Variants in NALCN observed in about 807,000 individuals in gnomAD.
NALCN encodes sodium leak channel, non-selective, also known as sodium leak channel NALCN.
Under a neutral mutation model 225.3 loss-of-function variants are expected in NALCN, and 111 were observed. The ratio of observed to expected loss-of-function variants is 0.49; its 90% CI spans 0.42 to 0.58. The LOEUF (loss-of-function observed/expected upper bound fraction) is 0.58. NALCN is among the 20% of genes least tolerant of loss of function. NALCN has a pLI of 0.00. For missense variants in NALCN, 1,378 were observed against 2,202.4 expected (o/e 0.63, Z 7.49); for synonymous variants, 764 against 769.0 (o/e 0.99, Z 0.11).
chr13:101,144,907 ATTGG>A lies in NALCN; in HGVS notation c.1840-15_1840-12del, dbSNP rs1335615905. On this transcript the variant is annotated splice_polypyrimidine_tract_variant and intron_variant, in intron 15 of 43. Transcript: ENST00000251127. ...TTCACTTTGCTTTAACTAAAGAAAA[ATTGG>A]AAAGAAGAAAAAAAGGGGGAACCTA... 6.3e-7 allele frequency: 1 copy of A among 1,596,810 alleles called. No individual in the cohort carries two copies.
At chr13:101,276,594 C>A (rs1333534934) in intron 10 of NALCN, among the ~76,000 whole-genome samples, 1 of 152,150 alleles carries the variant, frequency 6.6e-6, no homozygotes, top group Admixed American at 6.5e-5. Context: ...GGTTCCTATT[C>A]TAATTATAAT....
At chr13:101,061,608 G>A (rs923808775) in intron 41 of NALCN, among the ~76,000 whole-genome samples, 2 of 152,078 alleles carry the variant, frequency 1.3e-5, no homozygotes, top group Non-Finnish European at 2.9e-5. Context: ...TCCAACTCCT[G>A]GCCTCAAGTG....
chr13:101,400,306 G>C (rs2047430811), intron 1 of NALCN, among the ~76,000 whole-genome samples: 1 of 152,118 alleles, frequency 6.6e-6, no homozygotes, highest in Non-Finnish European at 1.5e-5. Context: ...AAGGGGTTTA[G>C]AGTTGACCAT....
At chr13:101,289,089 G>C (rs1389811812) in intron 9 of NALCN, among the ~76,000 whole-genome samples, 2 of 152,178 alleles carry the variant, frequency 1.3e-5, no homozygotes, top group African/African-American at 4.8e-5. Context: ...CCCTATAGTG[G>C]ATTAACAAAG....
Position 101,055,324 on chromosome 13 carries a change from C to T in NALCN, c.5188G>A (p.Glu1730Lys), listed in dbSNP as rs1566761140. Residue 1730 changes from glutamate to lysine, a missense_variant, in exon 44 of 44, where the codon GAA becomes AAA. By Grantham distance (56) the Glu-to-Lys change is moderately conservative (BLOSUM62 1). This residue lies in a region of NALCN where 145 missense variants were observed against 169.6 expected (regional missense o/e 0.85). Coordinates refer to ENST00000251127, the MANE Select transcript of NALCN (RefSeq NM_052867.4). ...ATATCCAGAAGGTCATCCCCACTTTCGTCGCTCTCCACAGTCAGCTGCCGG... is the reference window on the plus strand; with the variant it reads ...ATATCCAGAAGGTCATCCCCACTTTTGTCGCTCTCCACAGTCAGCTGCCGG... ...WTRQLTVESD[E>K]SGDDLLDI is the part of the protein sequence containing the mutation. The T allele has an allele frequency of 1.2e-6, 2 of 1,613,542 alleles. No homozygotes were observed. The highest frequency in any genetic ancestry group is 1.1e-5 in the South Asian group (1 of 90,928).
chr13:101,194,991 G>A (rs189476439), intron 13 of NALCN, among the ~76,000 whole-genome samples: 77 of 152,244 alleles, frequency 5.1e-4, no homozygotes, highest in African/African-American at 1.8e-3. Context: ...ACAACAGAGC[G>A]AGATCCTGTC....
At chr13:101,147,691 G>T (rs1175829071) in intron 15 of NALCN, among the ~76,000 whole-genome samples, 1 of 152,104 alleles carries the variant, frequency 6.6e-6, no homozygotes, top group African/African-American at 2.4e-5. Context: ...GGTGCGAGCT[G>T]CCATGCCTGG....
intron 11 of NALCN, among the ~76,000 whole-genome samples, chr13:101,249,883 C>T (rs2042011352): frequency 6.6e-6 from 1 of 151,784 alleles, no homozygotes; most frequent in Admixed American, 6.6e-5. Flanking sequence ...TATTAGAGAC[C>T]CACACCCGGA....
chr13:101,123,454 T>C (rs1313248700), intron 18 of NALCN, among the ~76,000 whole-genome samples: 1 of 152,232 alleles, frequency 6.6e-6, no homozygotes, highest in Admixed American at 6.5e-5. Context: ...CCAGCCTCAC[T>C]GCATGATCTG....
chr13:101,366,282 G>A (rs1371367584), intron 6 of NALCN, among the ~76,000 whole-genome samples: 3 of 152,152 alleles, frequency 2.0e-5, no homozygotes, highest in African/African-American at 7.2e-5. Context: ...AAGATTTCCT[G>A]CTATTGGGCC....
chr13:101,389,229 C>T lies in NALCN; in HGVS notation c.291+5954G>A, dbSNP rs1003921448. On this transcript the variant is annotated intron_variant, in intron 3 of 43. Transcript: ENST00000251127. ...CCTCTTCCATAAACCAGTAGATTTC[C>T]AAAACCCCAAAATCACTAATAAATA... Among the ~76,000 whole-genome samples, 11 of 152,124 alleles carry T rather than the reference C, an allele frequency of 7.2e-5. 2 individuals carry two copies. Among genetic ancestry groups the T allele is most frequent in the Admixed American group, 6.5e-4 (10 of 15,274 alleles).
intron 14 of NALCN, chr13:101,180,267 T>C (rs1222633107): frequency 7.0e-6 from 1 of 143,860 alleles, no homozygotes; most frequent in East Asian, 2.1e-4. Flanking sequence ...AGTGCAGTGG[T>C]GTGATCTCAA....
intron 30 of NALCN, among the ~76,000 whole-genome samples, chr13:101,088,775 G>T (rs566429976): frequency 6.6e-6 from 1 of 152,160 alleles, no homozygotes; most frequent in Non-Finnish European, 1.5e-5. Flanking sequence ...ACTTTGATAG[G>T]AAACTACATT....
chr13:101,107,279 A>C (rs1378481217), intron 22 of NALCN, among the ~76,000 whole-genome samples: 3 of 152,250 alleles, frequency 2.0e-5, no homozygotes, highest in Non-Finnish European at 4.4e-5. Flanking sequence ...GTGTTTTATC[A>C]ATGCGAGTTT....
chr13:101,204,530 GA>G (rs2040242266), intron 13 of NALCN, among the ~76,000 whole-genome samples: 1 of 151,990 alleles, frequency 6.6e-6, no homozygotes, highest in South Asian at 2.1e-4. Flanking sequence ...AAATGAGCTT[GA>G]ACATAATTAG....
chr13:101,345,631 T>C (rs1303222304), intron 6 of NALCN, among the ~76,000 whole-genome samples: 1 of 150,702 alleles, frequency 6.6e-6, no homozygotes, highest in Non-Finnish European at 1.5e-5. Context: ...TGCCACTGCA[T>C]TCTAGCCTGG....
intron 15 of NALCN, among the ~76,000 whole-genome samples, chr13:101,153,461 A>G (rs2037751088): frequency 1.3e-5 from 2 of 152,162 alleles, no homozygotes; most frequent in African/African-American, 4.8e-5. Context: ...TGTTGATTGG[A>G]TTGTTTTCTC....
intron 19 of NALCN, 84 bp downstream of exon 19, chr13:101,111,039 GAC>G: frequency 7.3e-7 from 1 of 1,368,886 alleles, no homozygotes; most frequent in Non-Finnish European, 1.0e-6. Context: ...AGCCAGGGCT[GAC>G]AGCCGTGACT....
chr13:101,252,378 C>T (rs553982310), intron 11 of NALCN, among the ~76,000 whole-genome samples: 1 of 152,238 alleles, frequency 6.6e-6, no homozygotes, highest in South Asian at 2.1e-4. Flanking sequence ...CTGTGGGGGA[C>T]TAAGAGGGCT....
Sources: gnomAD v4.1 joint callset for allele counts (sites outside exome capture counted in the v4.1 genomes callset) on GRCh38, gnomAD v4.1.1 for gene constraint, gnomAD v4.1.1 regional missense constraint, MANE v1.5 for transcripts, NCBI Gene and HGNC (gene_info 2026-07-23, HGNC 2026-07-21) for gene names.